Variants in DOK5 observed in about 807,000 individuals in gnomAD.
DOK5 encodes downstream of tyrosine kinase 5.
In DOK5, 27 loss-of-function variants were observed where a neutral mutation model predicts 43.3. The ratio of observed to expected loss-of-function variants is 0.62; its 90% CI spans 0.46 to 0.86. The LOEUF (loss-of-function observed/expected upper bound fraction) is 0.86. Ranked by LOEUF, DOK5 falls within the 40% of genes least tolerant of loss-of-function variation. DOK5 has a pLI of 0.00. For missense variants in DOK5, 373 were observed against 392.9 expected (o/e 0.95, Z 0.43); for synonymous variants, 146 against 140.1 (o/e 1.04, Z -0.30).
chr20:54,501,291 C>T (rs2146678352), intron 1 of DOK5, among the ~76,000 whole-genome samples: 1 of 151,514 alleles, frequency 6.6e-6, no homozygotes, highest in South Asian at 2.1e-4. Context: ...CACGATGAAA[C>T]CCCATCTCTA....
chr20:54,500,201 G>A (rs1051941376), intron 1 of DOK5, among the ~76,000 whole-genome samples: 1 of 152,142 alleles, frequency 6.6e-6, no homozygotes, highest in African/African-American at 2.4e-5. Context: ...GCAGGGGTTT[G>A]AGCACTCTTT....
At chr20:54,606,372 T>A (rs1986469202) in intron 5 of DOK5, among the ~76,000 whole-genome samples, 1 of 152,092 alleles carries the variant, frequency 6.6e-6, no homozygotes. Flanking sequence ...AGGAAGAGCA[T>A]CCAGGGTAAA....
chr20:54,522,816 A>G (rs1462959297), intron 1 of DOK5, among the ~76,000 whole-genome samples: 3 of 152,070 alleles, frequency 2.0e-5, no homozygotes. Flanking sequence ...CGCCTGGCCC[A>G]AAGTTGTTTT....
At chr20:54,592,834 A>G (rs1986022240) in intron 5 of DOK5, among the ~76,000 whole-genome samples, 1 of 152,178 alleles carries the variant, frequency 6.6e-6, no homozygotes, top group Admixed American at 6.5e-5. Context: ...GCCCGGCCAG[A>G]TAAATTTTCT....
chr20:54,647,028 T>C (rs1979464688), intron 7 of DOK5, among the ~76,000 whole-genome samples: 1 of 152,126 alleles, frequency 6.6e-6, no homozygotes, highest in Admixed American at 6.5e-5. Flanking sequence ...CCCTGCTGGT[T>C]GATTTGGGAA....
intron 2 of DOK5, among the ~76,000 whole-genome samples, chr20:54,579,583 A>G (rs764409844): frequency 6.6e-6 from 1 of 152,082 alleles, no homozygotes; most frequent in African/African-American, 2.4e-5. Context: ...GTCCCTGGAA[A>G]CCACCATCCT....
intron 1 of DOK5, among the ~76,000 whole-genome samples, chr20:54,482,304 C>A (rs938681764): frequency 6.6e-6 from 1 of 152,152 alleles, no homozygotes; most frequent in Non-Finnish European, 1.5e-5. Context: ...AGCTCACGGC[C>A]AGGTTTTAAA....
chr20:54,634,308 T>C (rs1293680751), intron 6 of DOK5, among the ~76,000 whole-genome samples: 1 of 97,734 alleles, frequency 1.0e-5, no homozygotes, highest in East Asian at 3.2e-4. Context: ...ATGACAATAA[T>C]GACGGCAGGG....
At chr20:54,584,900 A>G (rs896674597) in intron 2 of DOK5, among the ~76,000 whole-genome samples, 2 of 152,014 alleles carry the variant, frequency 1.3e-5, no homozygotes, top group African/African-American at 4.8e-5. Flanking sequence ...TATAAGGCAG[A>G]TTTCTTTGTA....
intron 3 of DOK5, 44 bp from the exon 4 acceptor site, chr20:54,588,643 A>G: frequency 6.2e-7 from 1 of 1,614,090 alleles, no homozygotes; most frequent in Non-Finnish European, 8.5e-7. Context: ...TAGATTCTGA[A>G]TGGATGCTGG....
Position 54,526,436 on chromosome 20 carries a change from G to A in DOK5, c.67-28497G>A, listed in dbSNP as rs1417093451. 3.3e-5 allele frequency among the ~76,000 whole-genome samples: 5 copies of A among 152,276 alleles called. No homozygotes were observed. The South Asian group carries it at 8.3e-4, about 25-fold the overall frequency. On this transcript the variant is annotated intron_variant, in intron 1 of 7. Coordinates refer to ENST00000262593, the MANE Select transcript of DOK5 (RefSeq NM_018431.5). ...TCCAGAGCTGGCTACCCAGGGTGCT[G>A]GCTGGCAAGTGAAAGGAAACATGGA... is the stretch of plus-strand genomic sequence containing the variant.
intron 6 of DOK5, among the ~76,000 whole-genome samples, chr20:54,642,747 CAG>C (rs751321274): frequency 8.0e-4 from 121 of 151,692 alleles, no homozygotes; most frequent in Non-Finnish European, 1.6e-3. Flanking sequence ...CAAAACAAAA[CAG>C]AAAAACCCCA....
At position 54,475,773 on chromosome 20, in the gene DOK5, G is replaced by T. The variant is rs1401669643; in HGVS notation, c.-174G>T. On this transcript the variant is annotated 5_prime_UTR_variant, in exon 1 of 8. Coordinates refer to ENST00000262593, the MANE Select transcript of DOK5 (RefSeq NM_018431.5). The surrounding 1 kb of genome is among the most constrained non-coding windows in gnomAD (Gnocchi z 4.2). ...AGCCGGCCGCCCACTGTCAGGGTTG[G>T]GGGGACAGAGAAAGTGATGTGCGCC... 2 of 773,314 alleles carry T rather than the reference G, an allele frequency of 2.6e-6. No homozygotes were observed. The highest frequency in any genetic ancestry group is 1.7e-5 in the African/African-American group (1 of 57,858). The allele number at this position is 773,314 out of a possible 1,614,324, so 47.9% of individuals were successfully genotyped here.
intron 1 of DOK5, among the ~76,000 whole-genome samples, chr20:54,529,516 C>T (rs1334352717): frequency 2.0e-5 from 3 of 149,996 alleles, no homozygotes; most frequent in Non-Finnish European, 4.4e-5. Flanking sequence ...ATTTTACCCC[C>T]AACAACAAGT....
chr20:54,643,674 G>A, intron 7 of DOK5, 96 bp downstream of exon 7: 1 of 1,460,800 alleles, frequency 6.8e-7, no homozygotes, highest in Non-Finnish European at 9.1e-7. Context: ...ATGCCAGCTG[G>A]TTAGTGCCCT....
intron 5 of DOK5, among the ~76,000 whole-genome samples, chr20:54,602,255 A>T (rs1366009064): frequency 6.6e-6 from 1 of 152,192 alleles, no homozygotes; most frequent in African/African-American, 2.4e-5. Flanking sequence ...GGTTTGGGAA[A>T]CCTTGTTATT....
intron 5 of DOK5, among the ~76,000 whole-genome samples, chr20:54,596,722 TG>T (rs1274870184): frequency 6.6e-6 from 1 of 152,194 alleles, no homozygotes; most frequent in Non-Finnish European, 1.5e-5. Flanking sequence ...AGTGCCTGAA[TG>T]TAGTAGGCAG....
intron 6 of DOK5, among the ~76,000 whole-genome samples, chr20:54,641,359 A>T (rs1005271161): frequency 6.6e-6 from 1 of 152,104 alleles, no homozygotes; most frequent in African/African-American, 2.4e-5. Context: ...GTTGAATCTC[A>T]TGAACTACAA....
chr20:54,489,510 T>A (rs1982079219), intron 1 of DOK5, among the ~76,000 whole-genome samples: 1 of 152,212 alleles, frequency 6.6e-6, no homozygotes, highest in Non-Finnish European at 1.5e-5. Flanking sequence ...TATCATAGTT[T>A]TGAATAATTC....
Sources: allele counts gnomAD v4.1 joint callset (sites outside exome capture counted in the v4.1 genomes callset), GRCh38; gene constraint gnomAD v4.1.1; non-coding constraint Gnocchi (gnomAD v3.1); transcripts MANE v1.5; gene names NCBI Gene and HGNC (gene_info 2026-07-23, HGNC 2026-07-21).